Variants in LINGO2 observed in about 807,000 individuals in gnomAD.
The protein encoded by LINGO2 is leucine rich repeat and Ig domain containing 2, also known as leucine-rich repeat and immunoglobulin-like domain-containing nogo receptor-interacting protein 2.
LINGO2 carries 14 observed loss-of-function variants against 30.6 expected under a neutral mutation model. The observed-to-expected ratio is 0.46, with a 90% CI of 0.30 to 0.72. The LOEUF (loss-of-function observed/expected upper bound fraction) is 0.72, where lower values mean the gene tolerates loss of function less well. Among genes scored for constraint, LINGO2 ranks in the 30% least tolerant of loss-of-function variants. The pLI, the probability that LINGO2 is intolerant of heterozygous loss-of-function variation, is 0.07. For missense variants in LINGO2, 729 were observed against 751.7 expected, an observed-to-expected ratio of 0.97 and a Z score of 0.35; for synonymous variants, 317 against 288.5, an observed-to-expected ratio of 1.10 and a Z score of -1.00.
At chr9:29,067,865 G>A in the LINGO2 span, among the ~76,000 whole-genome samples, 3 of 151,074 alleles carry the variant, frequency 2.0e-5, no homozygotes, top group Admixed American at 6.6e-5. Flanking sequence ...CTACCAAGAA[G>A]ACTAAAGCCC....
At chr9:28,123,650 G>T (rs148635207) in intron 4 of LINGO2, among the ~76,000 whole-genome samples, 4 of 150,856 alleles carry the variant, frequency 2.7e-5, no homozygotes, top group African/African-American at 9.8e-5. Context: ...AGGAACAGGT[G>T]GACATTTAAA....
At chr9:28,024,260 G>A (rs749066220) in intron 4 of LINGO2, among the ~76,000 whole-genome samples, 29 of 152,170 alleles carry the variant, frequency 1.9e-4, no homozygotes, top group Non-Finnish European at 3.7e-4. Context: ...TGAAGGTTGT[G>A]CTCTACAAGG....
At chr9:28,321,695 G>C (rs1426775770) in intron 3 of LINGO2, among the ~76,000 whole-genome samples, 2 of 152,138 alleles carry the variant, frequency 1.3e-5, no homozygotes, top group African/African-American at 4.8e-5. Flanking sequence ...ACATGAACAG[G>C]CTTCAAACAT....
intron 1 of LINGO2, among the ~76,000 whole-genome samples, chr9:28,639,564 C>A (rs1239373340): frequency 6.6e-6 from 1 of 152,144 alleles, no homozygotes; most frequent in Non-Finnish European, 1.5e-5. Context: ...GATCCCTTTA[C>A]CATTATGTAA....
chr9:28,973,450 C>T, the LINGO2 span, among the ~76,000 whole-genome samples: 1 of 152,118 alleles, frequency 6.6e-6, no homozygotes, highest in Non-Finnish European at 1.5e-5. Flanking sequence ...AAGACAGGGC[C>T]AGGTGGAGAT....
the LINGO2 span, among the ~76,000 whole-genome samples, chr9:28,964,844 A>T: frequency 6.6e-6 from 1 of 151,960 alleles, no homozygotes; most frequent in East Asian, 1.9e-4. Flanking sequence ...ATACATGCCT[A>T]TGAACTATGC....
chr9:28,211,464 G>A (rs1820589209), intron 4 of LINGO2, among the ~76,000 whole-genome samples: 1 of 151,282 alleles, frequency 6.6e-6, no homozygotes, highest in Non-Finnish European at 1.5e-5. Context: ...AAACAAAGGA[G>A]AGGAAACTTG....
intron 4 of LINGO2, among the ~76,000 whole-genome samples, chr9:28,160,268 AT>A (rs1398579284): frequency 1.3e-5 from 2 of 152,236 alleles, no homozygotes; most frequent in Admixed American, 6.5e-5. Flanking sequence ...CTTGTGTGAT[AT>A]CTTGAGAAAG....
chr9:28,036,836 G>A (rs1476662952), intron 4 of LINGO2, among the ~76,000 whole-genome samples: 2 of 152,214 alleles, frequency 1.3e-5, no homozygotes, highest in Admixed American at 6.5e-5. Flanking sequence ...AGCAGGAGAA[G>A]CCAGACTATT....
At chr9:28,245,602 A>G (rs1159272659) in intron 4 of LINGO2, among the ~76,000 whole-genome samples, 1 of 152,208 alleles carries the variant, frequency 6.6e-6, no homozygotes, top group African/African-American at 2.4e-5. Context: ...AAGTCTCAGG[A>G]TACAAAATCA....
At chr9:28,811,183 G>C in the LINGO2 span, among the ~76,000 whole-genome samples, 2 of 151,802 alleles carry the variant, frequency 1.3e-5, no homozygotes, top group African/African-American at 4.8e-5. Context: ...GTTTTTCTTC[G>C]TTCTTCTCTT....
chr9:29,129,585 T>A, the LINGO2 span, among the ~76,000 whole-genome samples: 4 of 152,086 alleles, frequency 2.6e-5, no homozygotes, highest in Non-Finnish European at 4.4e-5. Context: ...AGGATAAGAA[T>A]TCTAGTTGAC....
the LINGO2 span, among the ~76,000 whole-genome samples, chr9:28,853,074 T>C: frequency 2.6e-4 from 40 of 151,998 alleles, no homozygotes; most frequent in African/African-American, 9.2e-4. Context: ...CTCCCAGCTT[T>C]TATTCCTGTG....
the LINGO2 span, among the ~76,000 whole-genome samples, chr9:28,763,606 A>G: frequency 1.3e-5 from 2 of 151,892 alleles, no homozygotes; most frequent in African/African-American, 4.8e-5. Flanking sequence ...TAAACAACCT[A>G]CATTTATACC....
chr9:28,384,210 G>C (rs1821479059), intron 2 of LINGO2, among the ~76,000 whole-genome samples: 1 of 151,018 alleles, frequency 6.6e-6, no homozygotes, highest in Non-Finnish European at 1.5e-5. Context: ...ACAAAAACTA[G>C]GAAGTTGACC....
intron 1 of LINGO2, among the ~76,000 whole-genome samples, chr9:28,614,643 C>A (rs182426031): frequency 1.3e-5 from 2 of 152,022 alleles, no homozygotes. Flanking sequence ...AGAAATATAT[C>A]GGTGAAATTT....
At chr9:28,587,828 C>G (rs956447632) in intron 1 of LINGO2, among the ~76,000 whole-genome samples, 2 of 151,920 alleles carry the variant, frequency 1.3e-5, no homozygotes, top group East Asian at 3.9e-4. Context: ...TTCCCCCTCC[C>G]TAACCCTAAC....
intron 2 of LINGO2, among the ~76,000 whole-genome samples, chr9:28,383,254 TTGTGTGTG>T (rs3065590): frequency 1.4e-4 from 10 of 73,638 alleles, no homozygotes; most frequent in South Asian, 3.8e-4. Flanking sequence ...TCACCATTCA[TTGTGTGTG>T]TGTGTGTGTG....
chr9:27,975,091 AT>A (rs1820533993), intron 5 of LINGO2, among the ~76,000 whole-genome samples: 1 of 152,048 alleles, frequency 6.6e-6, no homozygotes. Context: ...TTTTTTCCTC[AT>A]GATGTATTTA....
Sources: gnomAD v4.1 joint callset for allele counts (sites outside exome capture counted in the v4.1 genomes callset) on GRCh38, gnomAD v4.1.1 for gene constraint, MANE v1.5 for transcripts, NCBI Gene and HGNC (gene_info 2026-07-23, HGNC 2026-07-21) for gene names.